CDK5R1: variants seen among roughly 807,000 people sequenced by gnomAD.
CDK5R1 encodes the protein cyclin-dependent kinase 5 activator 1.
Under a neutral mutation model 19.0 loss-of-function variants are expected in CDK5R1, and 1 was observed. The ratio of observed to expected loss-of-function variants is 0.05; its 90% CI spans 0.02 to 0.25. The LOEUF (loss-of-function observed/expected upper bound fraction) is 0.25, where lower values mean the gene tolerates loss of function less well. Ranked by LOEUF, CDK5R1 falls within the 10% of genes least tolerant of loss-of-function variation. The pLI, the probability that CDK5R1 is intolerant of heterozygous loss-of-function variation, is 1.00. For synonymous variants in CDK5R1, 225 were observed against 187.7 expected (o/e 1.20, Z -1.62); for missense variants, 314 against 401.0 (o/e 0.78, Z 1.85).
Position 32,488,100 on chromosome 17 carries a change from C to T in CDK5R1, c.480C>T (p.Cys160=), listed in dbSNP as rs1470984335. Residue 160 remains cysteine, a synonymous_variant, in exon 2 of 2, where the codon TGC becomes TGT. Transcript: ENST00000313401. Reference sequence around the variant, plus strand: ...TTCGCTGCCTGGGTGAGTTTCTCTGCCGCCGGTGCTACCGCCTGAAGCACC... The same window carrying T: ...TTCGCTGCCTGGGTGAGTTTCTCTGTCGCCGGTGCTACCGCCTGAAGCACC... The part of the protein sequence containing the change: ...ELLRCLGEFL[C]RRCYRLKHLS... 2.5e-6 allele frequency: 4 copies of T among 1,613,044 alleles called. No homozygotes were observed. The highest frequency in any genetic ancestry group is 3.4e-6 in the Non-Finnish European group (4 of 1,179,790).
Position 32,489,514 on chromosome 17 carries a change from G to C in CDK5R1, c.*970G>C, listed in dbSNP as rs1908796437. The C allele has an allele frequency of 1.1e-5, 3 of 274,232 alleles. No homozygotes were observed. Among genetic ancestry groups the C allele is most frequent in the Non-Finnish European group, 2.3e-5 (3 of 128,818 alleles). The allele number at this position is 274,232 out of a possible 1,614,324, so 17.0% of individuals were successfully genotyped here. On this transcript the variant is annotated 3_prime_UTR_variant, in exon 2 of 2. Coordinates refer to ENST00000313401, the MANE Select transcript of CDK5R1 (RefSeq NM_003885.3). ...CCTGCAGAGCTGGGGGGAAGGCGAT[G>C]TGGTGACCCCACCCCCACCCGTTAA...
rs735555 is a variant in CDK5R1, at chr17:32,490,432, C to T, written c.*1888C>T. The stretch of plus-strand genomic sequence containing the variant: ...CGTTGCATCCACAGGATTCCAGTTG[C>T]GTGTCTGTTTCCTTCTCTTTCTCCG... On this transcript the variant is annotated 3_prime_UTR_variant, in exon 2 of 2. Transcript: ENST00000313401. 53,786 of 167,096 alleles carry T rather than the reference C, an allele frequency of 0.32. 11,185 individuals are homozygous for T. The highest frequency in any genetic ancestry group is 0.42 in the Non-Finnish European group (28,829 of 68,086). 10.4% of individuals were successfully genotyped at this position (167,096 alleles called of 1,614,324 possible). A position where few individuals can be genotyped will look rare whatever the true frequency, so the allele number is the denominator to read the frequency against.
rs1447202938 is a variant in CDK5R1, at chr17:32,488,022, C to T, written c.402C>T (p.Thr134=). 1.9e-6 allele frequency: 3 copies of T among 1,612,810 alleles called. No individual in the cohort carries two copies. Among genetic ancestry groups the T allele is most frequent in the Admixed American group, 1.7e-5 (1 of 59,986 alleles). ...AGAAAGCCCCTCACCCTGCCGTCAC[C>T]TCCGCAGGGACGCCCAAACGGGTCA... ...SVKKAPHPAV[T]SAGTPKRVIV... is the part of the protein sequence containing the mutation. Residue 134 remains threonine, a synonymous_variant, in exon 2 of 2, where the codon ACC becomes ACT. Transcript: ENST00000313401.
In CDK5R1 at chr17:32,490,218, A is replaced by T. The variant is rs1908822695; in HGVS notation, c.*1674A>T. 6.0e-6 allele frequency: 1 copy of T among 167,126 alleles called. No individual in the cohort carries two copies. The highest frequency in any genetic ancestry group is 2.4e-5 in the African/African-American group (1 of 41,442). 10.4% of individuals were successfully genotyped at this position (167,126 alleles called of 1,614,324 possible). A position where few individuals can be genotyped will look rare whatever the true frequency, so the allele number is the denominator to read the frequency against. The stretch of plus-strand genomic sequence containing the variant: ...AAGGAGCCTGCGGCTGCTGGCACAG[A>T]CTTCACACAGCACCTCCTCTCTGCT... On this transcript the variant is annotated 3_prime_UTR_variant, in exon 2 of 2. Transcript: ENST00000313401.
chr17:32,487,030 T>C lies in CDK5R1; in HGVS notation c.-278T>C, dbSNP rs868041402. On this transcript the variant is annotated 5_prime_UTR_variant, in exon 1 of 2. Transcript: ENST00000313401. This position sits in a 1 kb window ranked among gnomAD's most constrained non-coding sequence, Gnocchi z 7.9. ...GCTGCCGCCGCCGCCGCCGCCGCCG[T>C]CGCCGCCGCCGAGCGCGAGCCCAGC... is the stretch of plus-strand genomic sequence containing the variant. 423 of 151,724 alleles carry C rather than the reference T, an allele frequency of 2.8e-3. No individual in the cohort carries two copies. Among genetic ancestry groups the C allele is most frequent in the African/African-American group, 9.3e-3 (361 of 38,764 alleles). The allele number at this position is 151,724 out of a possible 1,614,324, so 9.4% of individuals were successfully genotyped here.
rs1908759255 is a variant in CDK5R1 at position 32,488,537 on chromosome 17, A to T, written c.917A>T (p.Asp306Val). 6.2e-7 allele frequency: 1 copy of T among 1,614,126 alleles called. No homozygotes were observed. The highest frequency in any genetic ancestry group is 8.5e-7 in the Non-Finnish European group (1 of 1,180,036). The change falls in exon 2 of 2, where the codon GAT becomes GTT. Residue 306 changes from aspartate to valine, a missense_variant. This residue lies in a region of CDK5R1 where 106 missense variants were observed against 132.1 expected (regional missense o/e 0.80). Transcript: ENST00000313401. ...EDKKRLLLGL[D>V]R Reference sequence around the variant, plus strand: ...AAGAAGCGGCTCCTCCTAGGCCTGGATCGGTGAGCACTGTAGCCTGCGTCA... The same window carrying T: ...AAGAAGCGGCTCCTCCTAGGCCTGGTTCGGTGAGCACTGTAGCCTGCGTCA...
At position 32,487,706 on chromosome 17, in the gene CDK5R1, C is replaced by T. The variant is rs781720836; in HGVS notation, c.86C>T (p.Ala29Val). 18 of 1,613,742 alleles carry T rather than the reference C, an allele frequency of 1.1e-5. No individual in the cohort carries two copies. The highest frequency in any genetic ancestry group is 1.5e-5 in the Non-Finnish European group (18 of 1,179,920). ...DGAATVGHYT[A>V]VQNSKNAKDK... Reference sequence around the variant, plus strand: ...GCGGCCACCGTGGGCCACTATACGGCCGTACAGAACAGCAAGAACGCCAAG... The same window carrying T: ...GCGGCCACCGTGGGCCACTATACGGTCGTACAGAACAGCAAGAACGCCAAG... Residue 29 changes from alanine to valine, a missense_variant, in exon 2 of 2, where the codon GCC (alanine) becomes GTC (valine). Around this residue, in one of 3 missense-constraint regions of CDK5R1, gnomAD observed 197 missense variants for 230.2 expected, o/e 0.86. Coordinates refer to ENST00000313401, the MANE Select transcript of CDK5R1 (RefSeq NM_003885.3). The surrounding 1 kb of genome is among the most constrained non-coding windows in gnomAD (Gnocchi z 7.9).
At position 32,487,506 on chromosome 17, in the gene CDK5R1, G is replaced by T; in HGVS notation, c.-115G>T. The T allele has an allele frequency of 1.4e-6, 1 of 724,178 alleles. No homozygotes were observed. Among genetic ancestry groups the T allele is most frequent in the Non-Finnish European group, 2.2e-6 (1 of 450,690 alleles). 44.9% of individuals were successfully genotyped at this position (724,178 alleles called of 1,614,324 possible). On this transcript the variant is annotated 5_prime_UTR_variant, in exon 2 of 2. Transcript: ENST00000313401. This position sits in a 1 kb window ranked among gnomAD's most constrained non-coding sequence, Gnocchi z 7.9. The stretch of plus-strand genomic sequence containing the variant: ...TCCAAGGGGGCAGCACGCTTCCCGG[G>T]AGCGCCCCCGCCTCCTCTCCGGGGC...
In CDK5R1 at chr17:32,488,112, C is replaced by T; in HGVS notation, c.492C>T (p.Tyr164=). Residue 164 remains tyrosine (Y), a synonymous_variant, in exon 2 of 2, where the codon TAC becomes TAT. Coordinates refer to ENST00000313401, the MANE Select transcript of CDK5R1 (RefSeq NM_003885.3). ...CLGEFLCRRC[Y]RLKHLSPTDP... Reference sequence around the variant, plus strand: ...GTGAGTTTCTCTGCCGCCGGTGCTACCGCCTGAAGCACCTGTCCCCCACGG... The same window carrying T: ...GTGAGTTTCTCTGCCGCCGGTGCTATCGCCTGAAGCACCTGTCCCCCACGG... 1 of 1,613,202 alleles carries T rather than the reference C, an allele frequency of 6.2e-7. No individual in the cohort carries two copies. Among genetic ancestry groups the T allele is most frequent in the Admixed American group, 1.7e-5 (1 of 60,020 alleles).
chr17:32,489,036 CG>C lies in CDK5R1; in HGVS notation c.*496del. On this transcript the variant is annotated 3_prime_UTR_variant, in exon 2 of 2. Coordinates refer to ENST00000313401, the MANE Select transcript of CDK5R1 (RefSeq NM_003885.3). ...GTCGTGAGGCAAGATCCCCGCCACC[CG>C]GGGACATCTTCAATCTAGGCGAGGC... 5.0e-6 allele frequency: 2 copies of C among 399,502 alleles called. No homozygotes were observed. The highest frequency in any genetic ancestry group is 1.0e-5 in the Non-Finnish European group (2 of 192,066). 24.7% of individuals were successfully genotyped at this position (399,502 alleles called of 1,614,324 possible).
At position 32,489,103 on chromosome 17, in the gene CDK5R1, T is replaced by C; in HGVS notation, c.*559T>C. On this transcript the variant is annotated 3_prime_UTR_variant, in exon 2 of 2. Transcript: ENST00000313401. ...TAGTGGAAAGATTGTGTCTGGTCGTTTGACCACACACCGCCCTGATTTGCT... is the reference window on the plus strand; with the variant it reads ...TAGTGGAAAGATTGTGTCTGGTCGTCTGACCACACACCGCCCTGATTTGCT... The C allele has an allele frequency of 2.1e-6, 1 of 470,178 alleles. No individual in the cohort carries two copies. Among genetic ancestry groups the C allele is most frequent in the Non-Finnish European group, 4.4e-6 (1 of 226,608 alleles). The allele number at this position is 470,178 out of a possible 1,614,324, so 29.1% of individuals were successfully genotyped here. A position where few individuals can be genotyped will look rare whatever the true frequency, so the allele number is the denominator to read the frequency against.
rs1908727809 is a variant in CDK5R1, at chr17:32,487,797, G to A, written c.177G>A (p.Ser59=). The A allele has an allele frequency of 1.2e-6, 2 of 1,613,974 alleles. No homozygotes were observed. Among genetic ancestry groups the A allele is most frequent in the East Asian group, 2.2e-5 (1 of 44,862 alleles). Residue 59 remains serine, a synonymous_variant, in exon 2 of 2, where the codon TCG becomes TCA. Transcript: ENST00000313401. The surrounding 1 kb of genome is among the most constrained non-coding windows in gnomAD (Gnocchi z 7.9). ...CTTGGAAGAGAATCGTGGCCGTGTC[G>A]GCCAAGAAGAAGAACTCCAAGAAGG... is the stretch of plus-strand genomic sequence containing the variant. The part of the protein sequence containing the change: ...VLPWKRIVAV[S]AKKKNSKKVQ...
Position 32,488,567 on chromosome 17 carries a change from T to C in CDK5R1, c.*23T>C. On this transcript the variant is annotated 3_prime_UTR_variant, in exon 2 of 2. Coordinates refer to ENST00000313401, the MANE Select transcript of CDK5R1 (RefSeq NM_003885.3). ...TGAGCACTGTAGCCTGCGTCATGGC[T>C]CAAGGATTCAATGCATTTTTAAGAA... 1 of 1,614,030 alleles carries C rather than the reference T, an allele frequency of 6.2e-7. No homozygotes were observed. The highest frequency in any genetic ancestry group is 8.5e-7 in the Non-Finnish European group (1 of 1,180,012).
rs1311145697 is a variant in CDK5R1, at chr17:32,490,508, G to A, written c.*1964G>A. 1 of 167,014 alleles carries A rather than the reference G, an allele frequency of 6.0e-6. No individual in the cohort carries two copies. The highest frequency in any genetic ancestry group is 1.9e-4 in the East Asian group (1 of 5,202). 10.3% of individuals were successfully genotyped at this position (167,014 alleles called of 1,614,324 possible). A position where few individuals can be genotyped will look rare whatever the true frequency, so the allele number is the denominator to read the frequency against. On this transcript the variant is annotated 3_prime_UTR_variant, in exon 2 of 2. Coordinates refer to ENST00000313401, the MANE Select transcript of CDK5R1 (RefSeq NM_003885.3). ...AGGTGGACATTTCGGAAGTGGTGGG[G>A]ACTAAGGGAAGAACTCTCTAGTTCC...
Position 32,489,447 on chromosome 17 carries a change from A to C in CDK5R1, c.*903A>C, listed in dbSNP as rs1030670924. Reference sequence around the variant, plus strand: ...ATACCTTGAGACCAAGCCGGTGCCCACCTAAGGGCTAAGGCCTCTTGCTGG... The same window carrying C: ...ATACCTTGAGACCAAGCCGGTGCCCCCCTAAGGGCTAAGGCCTCTTGCTGG... On this transcript the variant is annotated 3_prime_UTR_variant, in exon 2 of 2. Transcript: ENST00000313401. 2.6e-6 allele frequency: 1 copy of C among 382,976 alleles called. No homozygotes were observed. Among genetic ancestry groups the C allele is most frequent in the African/African-American group, 2.1e-5 (1 of 47,360 alleles). The allele number at this position is 382,976 out of a possible 1,614,324, so 23.7% of individuals were successfully genotyped here.
At position 32,490,965 on chromosome 17, in the gene CDK5R1, C is replaced by T. The variant is rs1232325329; in HGVS notation, c.*2421C>T. The T allele has an allele frequency of 6.0e-6, 1 of 167,034 alleles. No individual in the cohort carries two copies. Among genetic ancestry groups the T allele is most frequent in the Non-Finnish European group, 1.5e-5 (1 of 68,116 alleles). 10.3% of individuals were successfully genotyped at this position (167,034 alleles called of 1,614,324 possible). On this transcript the variant is annotated 3_prime_UTR_variant, in exon 2 of 2. Transcript: ENST00000313401. ...AAGAAAATGTGCCATTTTTTTCACT[C>T]AGAATTATTCATAGCTGTATATTTG...
Position 32,489,027 on chromosome 17 carries a change from C to T in CDK5R1, c.*483C>T, listed in dbSNP as rs996418894. ...GCCAGTGGGGTCGTGAGGCAAGATC[C>T]CCGCCACCCGGGGACATCTTCAATC... On this transcript the variant is annotated 3_prime_UTR_variant, in exon 2 of 2. Coordinates refer to ENST00000313401, the MANE Select transcript of CDK5R1 (RefSeq NM_003885.3). 2 of 385,182 alleles carry T rather than the reference C, an allele frequency of 5.2e-6. No individual in the cohort carries two copies. The highest frequency in any genetic ancestry group is 2.1e-5 in the African/African-American group (1 of 47,190). 23.9% of individuals were successfully genotyped at this position (385,182 alleles called of 1,614,324 possible).
chr17:32,489,257 C>G lies in CDK5R1; in HGVS notation c.*713C>G. The G allele has an allele frequency of 2.1e-6, 1 of 471,114 alleles. No individual in the cohort carries two copies. Among genetic ancestry groups the G allele is most frequent in the Non-Finnish European group, 4.4e-6 (1 of 227,056 alleles). 29.2% of individuals were successfully genotyped at this position (471,114 alleles called of 1,614,324 possible). ...ATGAGCTGGTTTGACTCATTAATTT[C>G]TCTCAATTTGGGTCCCAGCTAAAGA... On this transcript the variant is annotated 3_prime_UTR_variant, in exon 2 of 2. Coordinates refer to ENST00000313401, the MANE Select transcript of CDK5R1 (RefSeq NM_003885.3).
chr17:32,489,091 G>A lies in CDK5R1; in HGVS notation c.*547G>A, dbSNP rs768733372. 4 of 468,854 alleles carry A rather than the reference G, an allele frequency of 8.5e-6. No homozygotes were observed. Among genetic ancestry groups the A allele is most frequent in the Non-Finnish European group, 1.8e-5 (4 of 225,996 alleles). The allele number at this position is 468,854 out of a possible 1,614,324, so 29.0% of individuals were successfully genotyped here. A position where few individuals can be genotyped will look rare whatever the true frequency, so the allele number is the denominator to read the frequency against. On this transcript the variant is annotated 3_prime_UTR_variant, in exon 2 of 2. Transcript: ENST00000313401. ...GCTGAGCGGGTCTAGTGGAAAGATT[G>A]TGTCTGGTCGTTTGACCACACACCG...
Sources: allele counts gnomAD v4.1 joint callset, GRCh38; gene constraint gnomAD v4.1.1; regional missense constraint gnomAD v4.1.1; non-coding constraint Gnocchi (gnomAD v3.1); transcripts MANE v1.5; gene names NCBI Gene and HGNC (gene_info 2026-07-23, HGNC 2026-07-21).